The following OR51B5 variants were observed in gnomAD, a reference collection of about 807,000 sequenced individuals.
The protein encoded by OR51B5 is olfactory receptor family 51 subfamily B member 5.
For missense variants in OR51B5, 456 were observed against 374.6 expected, an observed-to-expected ratio of 1.22 and a Z score of -1.79; for synonymous variants, 186 against 144.8, an observed-to-expected ratio of 1.28 and a Z score of -2.04.
intron 1 of OR51B5, among the ~76,000 whole-genome samples, chr11:5,352,757 TACAC>T (rs1849119446): frequency 6.7e-6 from 1 of 149,924 alleles, no homozygotes; most frequent in Non-Finnish European, 1.5e-5. Flanking sequence ...CATACATACT[TACAC>T]ACATACATAT....
Position 5,476,192 on chromosome 11 carries a change from CA to C in OR51B5, n.84+29376del, listed in dbSNP as rs570956268. Among the ~76,000 whole-genome samples the C allele has an allele frequency of 3.3e-5, 5 of 152,314 alleles. No individual in the cohort carries two copies. The South Asian group carries it at 8.3e-4, about 25-fold the overall frequency. ...TCAGTGGATTATAACTATTTCCCCC[CA>C]GTAATAACATTCATGTATACTTATT... is the stretch of plus-strand genomic sequence containing the variant. On this transcript the variant is annotated intron_variant and non_coding_transcript_variant, in intron 1 of 4. Transcript: ENST00000415970.
At chr11:5,406,444 C>G (rs1454196707) in intron 1 of OR51B5, among the ~76,000 whole-genome samples, 3 of 152,076 alleles carry the variant, frequency 2.0e-5, no homozygotes. Flanking sequence ...CTCTTGGTGT[C>G]TATGAAATTG....
At chr11:5,363,032 A>C (rs990810346) in intron 1 of OR51B5, among the ~76,000 whole-genome samples, 6 of 134,274 alleles carry the variant, frequency 4.5e-5, no homozygotes, top group African/African-American at 1.7e-4. Context: ...AAAACAAGGA[A>C]AAGGAGCCCA....
At chr11:5,505,321 C>A in intron 1 of OR51B5, 1 of 1,302,992 alleles carries the variant, frequency 7.7e-7, no homozygotes, top group Non-Finnish European at 1.0e-6. Flanking sequence ...GTATATCTTC[C>A]CCAGTCAGAG....
rs374615425 is a variant in OR51B5, at chr11:5,394,925, A to G, written n.85-48015T>C. On this transcript the variant is annotated intron_variant and non_coding_transcript_variant, in intron 1 of 4. Coordinates refer to the OR51B5 transcript ENST00000415970. ...TGACAGTGAATAACTACCTGGTTGTAAAGACTGTCTCAAGGGGACTTTTGT... is the reference window on the plus strand; with the variant it reads ...TGACAGTGAATAACTACCTGGTTGTGAAGACTGTCTCAAGGGGACTTTTGT... 1.9e-4 allele frequency among the ~76,000 whole-genome samples: 29 copies of G among 152,320 alleles called. No homozygotes were observed. The South Asian group carries it at 2.9e-3, about 15-fold the overall frequency.
At chr11:5,479,779 T>C (rs1851385568) in intron 1 of OR51B5, among the ~76,000 whole-genome samples, 1 of 144,322 alleles carries the variant, frequency 6.9e-6, no homozygotes, top group South Asian at 2.4e-4. Flanking sequence ...CATTACATAA[T>C]GGTAAAGGGA....
At chr11:5,389,625 C>T (rs867064691) in intron 1 of OR51B5, 2 of 1,613,710 alleles carry the variant, frequency 1.2e-6, no homozygotes, top group East Asian at 4.5e-5. Context: ...TATCTACTAT[C>T]CTTGCTGGCC....
intron 1 of OR51B5, among the ~76,000 whole-genome samples, chr11:5,385,880 C>G (rs1214009816): frequency 2.0e-5 from 3 of 148,504 alleles, no homozygotes; most frequent in African/African-American, 7.4e-5. Flanking sequence ...ATGAGTAAAT[C>G]TATACACTTA....
chr11:5,360,863 CCAT>C (rs1300492832), intron 1 of OR51B5, among the ~76,000 whole-genome samples: 1 of 151,210 alleles, frequency 6.6e-6, no homozygotes, highest in Non-Finnish European at 1.5e-5. Flanking sequence ...AAGCTGGAAA[CCAT>C]CATTCTCAGC....
At chr11:5,420,554 G>A (rs1850317503) in intron 1 of OR51B5, among the ~76,000 whole-genome samples, 1 of 151,700 alleles carries the variant, frequency 6.6e-6, no homozygotes, top group Non-Finnish European at 1.5e-5. Flanking sequence ...TTTTTGAAAT[G>A]TTTAAATTTT....
chr11:5,347,279 CT>C (rs1849007897), upstream of OR51B5, among the ~76,000 whole-genome samples: 1 of 152,156 alleles, frequency 6.6e-6, no homozygotes, highest in Admixed American at 6.6e-5. Context: ...CCTATGTAAC[CT>C]GAATTTCTAC....
intron 1 of OR51B5, among the ~76,000 whole-genome samples, chr11:5,409,329 CCAGA>C (rs557376520): frequency 3.2e-4 from 48 of 151,836 alleles, no homozygotes; most frequent in Non-Finnish European, 6.2e-4. Flanking sequence ...TGGGCTTTGC[CCAGA>C]CAGAGGGAAA....
chr11:5,462,748 T>A (rs1448684630), intron 1 of OR51B5, among the ~76,000 whole-genome samples: 3 of 152,230 alleles, frequency 2.0e-5, no homozygotes, highest in Admixed American at 6.5e-5. Context: ...CCCTCTGTTG[T>A]TTAATTTCAT....
At chr11:5,455,645 G>T (rs1850945816) in intron 1 of OR51B5, 1 of 151,878 alleles carries the variant, frequency 6.6e-6, no homozygotes, top group Non-Finnish European at 1.5e-5. Flanking sequence ...GATGCACTAG[G>T]TAGTCTAACT....
In OR51B5 at chr11:5,493,720, G is replaced by A. The variant is rs2133816735; in HGVS notation, n.84+11849C>T. 2.0e-5 allele frequency among the ~76,000 whole-genome samples: 3 copies of A among 152,192 alleles called. No homozygotes were observed. In the South Asian group the frequency reaches 6.3e-4, roughly 32 times the overall value. The stretch of plus-strand genomic sequence containing the variant: ...ATATCTCTGCAGCAATTATTTTTAT[G>A]GTGGTGGATGCATCAGACTATCTTA... On this transcript the variant is annotated intron_variant and non_coding_transcript_variant, in intron 1 of 4. Transcript: ENST00000415970.
At chr11:5,398,889 A>T (rs1452697285) in intron 1 of OR51B5, among the ~76,000 whole-genome samples, 5 of 152,180 alleles carry the variant, frequency 3.3e-5, no homozygotes, top group Non-Finnish European at 5.9e-5. Context: ...CTTTGTTAAT[A>T]AATTACCCAG....
intron 1 of OR51B5, among the ~76,000 whole-genome samples, chr11:5,428,885 C>T (rs1850489515): frequency 6.6e-6 from 1 of 152,176 alleles, no homozygotes; most frequent in Non-Finnish European, 1.5e-5. Flanking sequence ...AGAGAGGGGC[C>T]TGAATTCTGC....
At chr11:5,402,898 T>G (rs1190825004) in intron 1 of OR51B5, 2 of 471,198 alleles carry the variant, frequency 4.2e-6, no homozygotes, top group Non-Finnish European at 8.8e-6. Flanking sequence ...GAAGCTTGTC[T>G]TTTTCCAGAT....
intron 1 of OR51B5, among the ~76,000 whole-genome samples, chr11:5,477,931 G>C (rs576542350): frequency 3.3e-5 from 5 of 151,900 alleles, no homozygotes; most frequent in African/African-American, 1.2e-4. Flanking sequence ...AGGGAGGCTG[G>C]GGAGGGGCGC....
Sources: gnomAD v4.1 joint callset for allele counts (sites outside exome capture counted in the v4.1 genomes callset) on GRCh38, gnomAD v4.1.1 for gene constraint, MANE v1.5 for transcripts, NCBI Gene and HGNC (gene_info 2026-07-23, HGNC 2026-07-21) for gene names.